The following CHST8 variants were observed in gnomAD, a reference collection of about 807,000 sequenced individuals.
The protein encoded by CHST8 is GALNAC-4-ST1.
In CHST8, 10 loss-of-function variants were observed where a neutral mutation model predicts 15.0. That is an observed-to-expected ratio of 0.67 (90% CI 0.41 to 1.13). The LOEUF (loss-of-function observed/expected upper bound fraction) is 1.13, where lower values mean the gene tolerates loss of function less well. CHST8 is among the 50% of genes most tolerant of loss of function. The pLI, the probability that CHST8 is intolerant of heterozygous loss-of-function variation, is 0.00. For missense variants in CHST8, 634 were observed against 608.2 expected, an observed-to-expected ratio of 1.04 and a Z score of -0.45; for synonymous variants, 259 against 256.6, an observed-to-expected ratio of 1.01 and a Z score of -0.09.
intron 3 of CHST8, among the ~76,000 whole-genome samples, chr19:33,750,226 G>T (rs1278085931): frequency 6.6e-6 from 1 of 152,204 alleles, no homozygotes; most frequent in African/African-American, 2.4e-5. Context: ...AGGGTTGGGA[G>T]GATGCACTTT....
At chr19:33,684,357 G>T (rs543994054) in intron 2 of CHST8, among the ~76,000 whole-genome samples, 3 of 152,342 alleles carry the variant, frequency 2.0e-5, no homozygotes, top group Admixed American at 1.3e-4. Context: ...GCAGGGGCCT[G>T]GGTGTGCCAA....
intron 3 of CHST8, among the ~76,000 whole-genome samples, chr19:33,756,256 G>A (rs543772674): frequency 3.0e-4 from 45 of 152,238 alleles, no homozygotes; most frequent in African/African-American, 9.4e-4. Context: ...TAATATTCTC[G>A]TGCTCAGAGC....
At chr19:33,636,638 CG>C (rs2145441972) in intron 1 of CHST8, among the ~76,000 whole-genome samples, 1 of 152,298 alleles carries the variant, frequency 6.6e-6, no homozygotes, top group South Asian at 2.1e-4. Context: ...CAGTGGCTCA[CG>C]CCTGTAATCC....
intron 3 of CHST8, among the ~76,000 whole-genome samples, chr19:33,720,918 C>T (rs934404348): frequency 2.6e-5 from 4 of 152,358 alleles, no homozygotes; most frequent in African/African-American, 9.6e-5. Flanking sequence ...ACTGGCCCGA[C>T]GTGGACGCAG....
chr19:33,645,188 C>T (rs1367108394), intron 1 of CHST8, among the ~76,000 whole-genome samples: 2 of 151,984 alleles, frequency 1.3e-5, no homozygotes, highest in African/African-American at 2.4e-5. Context: ...AAAGGAACGG[C>T]GAGGAAGTCA....
intron 3 of CHST8, among the ~76,000 whole-genome samples, chr19:33,708,311 T>C: frequency 6.6e-6 from 1 of 152,254 alleles, no homozygotes; most frequent in African/African-American, 2.4e-5. Context: ...TTTTTCCTAA[T>C]CTTAGCCATA....
chr19:33,766,384 TC>T (rs1599641383), intron 3 of CHST8, among the ~76,000 whole-genome samples: 2 of 152,042 alleles, frequency 1.3e-5, no homozygotes, highest in East Asian at 3.9e-4. Context: ...CAGGCCTCTC[TC>T]CCCCAACCCG....
intron 1 of CHST8, 56 bp downstream of exon 1, chr19:33,622,352 C>T (rs1209277535): frequency 6.6e-6 from 1 of 152,134 alleles, no homozygotes; most frequent in African/African-American, 2.4e-5. Flanking sequence ...GGCTCCTGGC[C>T]TGCAGAGACG....
chr19:33,679,290 G>A (rs1441626965), intron 2 of CHST8, among the ~76,000 whole-genome samples: 1 of 152,208 alleles, frequency 6.6e-6, no homozygotes, highest in East Asian at 1.9e-4. Flanking sequence ...ATAGCTCAGT[G>A]CTTTCTAGAA....
intron 3 of CHST8, among the ~76,000 whole-genome samples, chr19:33,761,700 T>C (rs1051247451): frequency 6.6e-6 from 1 of 151,938 alleles, no homozygotes; most frequent in Non-Finnish European, 1.5e-5. Flanking sequence ...TAGCTGGGCT[T>C]GGTGGTGCAC....
intron 1 of CHST8, among the ~76,000 whole-genome samples, chr19:33,666,509 C>T (rs76618278): frequency 0.054 from 8,286 of 152,100 alleles, 361 homozygotes; most frequent in Non-Finnish European, 0.077. Flanking sequence ...GAGAAGGAAC[C>T]GGAAGGTGGG....
intron 3 of CHST8, among the ~76,000 whole-genome samples, chr19:33,768,645 G>A (rs1974903209): frequency 6.6e-6 from 1 of 151,910 alleles, no homozygotes; most frequent in Admixed American, 6.6e-5. Flanking sequence ...GTAGAGATCG[G>A]GTTTCACTAT....
chr19:33,680,318 C>T (rs943293708), intron 2 of CHST8, among the ~76,000 whole-genome samples: 11 of 152,264 alleles, frequency 7.2e-5, no homozygotes, highest in Admixed American at 2.0e-4. Context: ...ACTCAAAATC[C>T]CATTCTGGGC....
intron 1 of CHST8, among the ~76,000 whole-genome samples, chr19:33,631,740 G>C (rs1291903480): frequency 1.3e-5 from 2 of 152,000 alleles, no homozygotes; most frequent in Admixed American, 1.3e-4. Context: ...ATGTGTCAGC[G>C]CACAGCCATG....
chr19:33,674,212 C>T (rs10416744), intron 2 of CHST8, among the ~76,000 whole-genome samples: 25,551 of 152,190 alleles, frequency 0.17, 2,391 homozygotes, highest in Admixed American at 0.26. Flanking sequence ...GGCTAGAGGC[C>T]TCCTGGACAG....
At chr19:33,629,808 T>A (rs1395670294) in intron 1 of CHST8, among the ~76,000 whole-genome samples, 1 of 152,260 alleles carries the variant, frequency 6.6e-6, no homozygotes, top group Admixed American at 6.5e-5. Context: ...ACATTACTCC[T>A]TGGTCCCCTA....
chr19:33,668,986 A>G (rs1972699153), intron 2 of CHST8, among the ~76,000 whole-genome samples: 1 of 152,178 alleles, frequency 6.6e-6, no homozygotes, highest in African/African-American at 2.4e-5. Flanking sequence ...GCCTCGGGAA[A>G]CGTATTTGTG....
chr19:33,738,433 G>A (rs1196267962), intron 3 of CHST8, among the ~76,000 whole-genome samples: 1 of 152,154 alleles, frequency 6.6e-6, no homozygotes, highest in African/African-American at 2.4e-5. Flanking sequence ...TATTAATTAA[G>A]CACATTCCCA....
At chr19:33,657,332 G>A (rs969314414) in intron 1 of CHST8, among the ~76,000 whole-genome samples, 4 of 147,874 alleles carry the variant, frequency 2.7e-5, no homozygotes, top group African/African-American at 2.5e-5. Flanking sequence ...GCAGTAGCAC[G>A]ATCTCAGCTC....
Sources: gnomAD v4.1 joint callset for allele counts (sites outside exome capture counted in the v4.1 genomes callset) on GRCh38, gnomAD v4.1.1 for gene constraint, MANE v1.5 for transcripts, NCBI Gene and HGNC (gene_info 2026-07-23, HGNC 2026-07-21) for gene names.